The following UBE3C variants were observed in gnomAD, a reference collection of about 807,000 sequenced individuals.
The protein encoded by UBE3C is ubiquitin protein ligase E3C.
In UBE3C, 42 loss-of-function variants were observed where a neutral mutation model predicts 129.4. The observed-to-expected ratio is 0.32, with a 90% confidence interval of 0.25 to 0.42. The LOEUF (loss-of-function observed/expected upper bound fraction) is 0.42. UBE3C is among the 10% of genes least tolerant of loss of function. UBE3C has a pLI of 1.00. For synonymous variants in UBE3C, 510 were observed against 492.4 expected (o/e 1.04, Z -0.47); for missense variants, 1,049 against 1,319.1 (o/e 0.80, Z 3.17).
At chr7:157,242,954 C>A (rs1796381721) in intron 18 of UBE3C, among the ~76,000 whole-genome samples, 1 of 151,930 alleles carries the variant, frequency 6.6e-6, no homozygotes, top group African/African-American at 2.4e-5. Context: ...ACTTGGGAGG[C>A]TGAGGTAGGA....
intron 1 of UBE3C, 97 bp downstream of exon 1, chr7:157,139,435 C>A (rs1807365135): frequency 8.4e-7 from 1 of 1,192,166 alleles, no homozygotes; most frequent in Non-Finnish European, 1.1e-6. Context: ...GGACTCGGGG[C>A]CGAGACTTGG....
At chr7:157,180,169 T>C (rs1186209984) in intron 6 of UBE3C, among the ~76,000 whole-genome samples, 2 of 152,234 alleles carry the variant, frequency 1.3e-5, no homozygotes, top group Admixed American at 6.5e-5. Context: ...TAACAGTCGA[T>C]AAAATTTTAG....
intron 18 of UBE3C, among the ~76,000 whole-genome samples, chr7:157,233,024 A>ATTT (rs1796062397): frequency 1.3e-5 from 2 of 152,084 alleles, no homozygotes; most frequent in Admixed American, 1.3e-4. Context: ...CAAAAAGGAA[A>ATTT]CGCTAGGTAG....
chr7:157,254,350 C>T (rs1230252808), intron 21 of UBE3C, 40 bp downstream of exon 21: 3 of 1,254,476 alleles, frequency 2.4e-6, no homozygotes, highest in South Asian at 4.7e-5. Context: ...GAAAATGTTG[C>T]AGGTGGTCAT....
intron 17 of UBE3C, among the ~76,000 whole-genome samples, chr7:157,230,460 G>A (rs562094314): frequency 4.7e-4 from 72 of 151,584 alleles, no homozygotes; most frequent in African/African-American, 1.7e-3. Flanking sequence ...ACTTTGGGAA[G>A]CCAAGGCGGG....
Position 157,186,817 on chromosome 7 carries a change from G to A in UBE3C, c.1144-17G>A, listed in dbSNP as rs760059768. 3 of 1,612,856 alleles carry A rather than the reference G, an allele frequency of 1.9e-6. No homozygotes were observed. In the Admixed American group the frequency reaches 5.0e-5, roughly 27 times the overall value. On this transcript the variant is annotated splice_polypyrimidine_tract_variant and intron_variant, in intron 9 of 22. Transcript: ENST00000348165. ...TTGAGCACATTTATGGAGACTGGTT[G>A]TTCTGGTATGTTCTAGGAGGATGGC...
chr7:157,247,649 G>A (rs1182386), intron 18 of UBE3C, among the ~76,000 whole-genome samples: 75,757 of 151,880 alleles, frequency 0.5, 21,990 homozygotes, highest in Non-Finnish European at 0.64. Context: ...CTGAGATCGC[G>A]CGGCTGCACT....
chr7:157,206,948 A>G (rs1809450966), intron 11 of UBE3C, among the ~76,000 whole-genome samples: 1 of 152,320 alleles, frequency 6.6e-6, no homozygotes, highest in African/African-American at 2.4e-5. Flanking sequence ...ATAGCTTTCA[A>G]CGTTACCAAA....
chr7:157,198,507 G>A (rs1809187156), intron 10 of UBE3C: 5 of 373,402 alleles, frequency 1.3e-5, no homozygotes, highest in South Asian at 2.7e-5. Context: ...GCCGCCCTCC[G>A]CCATCTTCCG....
At chr7:157,184,822 A>C (rs377042297) in intron 9 of UBE3C, among the ~76,000 whole-genome samples, 3 of 152,192 alleles carry the variant, frequency 2.0e-5, no homozygotes, top group South Asian at 4.1e-4. Flanking sequence ...TAAGAAAAGG[A>C]TCGATAAGTC....
intron 1 of UBE3C, among the ~76,000 whole-genome samples, chr7:157,161,916 A>T (rs1430463042): frequency 6.6e-6 from 1 of 151,898 alleles, no homozygotes; most frequent in Non-Finnish European, 1.5e-5. Context: ...TACTAAAAAT[A>T]CAAGTTAGCC....
chr7:157,225,419 T>G lies in UBE3C; in HGVS notation c.2113T>G (p.Leu705Val), dbSNP rs185398582. ...CCTTGTTTGTTAGATCTTTCAGAGGTTGATTTATGCAGATAAGCAAGAAGT... is the reference window on the plus strand; with the variant it reads ...CCTTGTTTGTTAGATCTTTCAGAGGGTGATTTATGCAGATAAGCAAGAAGT... The part of the protein sequence containing the change: ...FEERVKIFQR[L>V]IYADKQEVQG... Residue 705 changes from leucine (L) to valine (V), a missense_variant, in exon 17 of 23, where the codon TTG (leucine) becomes GTG (valine). Physicochemically the swap from Leu to Val is conservative, Grantham distance 32 (BLOSUM62 1). Coordinates refer to ENST00000348165, the MANE Select transcript of UBE3C (RefSeq NM_014671.3). The G allele has an allele frequency of 6.2e-7, 1 of 1,603,630 alleles. No individual in the cohort carries two copies. The highest frequency in any genetic ancestry group is 8.5e-7 in the Non-Finnish European group (1 of 1,177,638).
intron 14 of UBE3C, among the ~76,000 whole-genome samples, chr7:157,219,161 G>A (rs1795666344): frequency 6.6e-6 from 1 of 152,192 alleles, no homozygotes; most frequent in Non-Finnish European, 1.5e-5. Flanking sequence ...CTGCTGGTCT[G>A]AGATGGTGTG....
intron 1 of UBE3C, among the ~76,000 whole-genome samples, chr7:157,143,122 C>T (rs910076608): frequency 1.3e-5 from 2 of 152,136 alleles, no homozygotes; most frequent in Non-Finnish European, 1.5e-5. Context: ...CTGCCTCAGC[C>T]TCCCAAAGTG....
intron 11 of UBE3C, among the ~76,000 whole-genome samples, chr7:157,205,013 A>G (rs1809394288): frequency 6.6e-6 from 1 of 152,266 alleles, no homozygotes. Context: ...ACTGATGGTC[A>G]GTAATTCACC....
intron 22 of UBE3C, among the ~76,000 whole-genome samples, chr7:157,260,428 C>G (rs957028583): frequency 6.6e-6 from 1 of 152,082 alleles, no homozygotes; most frequent in Non-Finnish European, 1.5e-5. Context: ...GAAGCATGAC[C>G]CATGTGACCA....
intron 17 of UBE3C, 48 bp downstream of exon 17, chr7:157,225,587 A>G (rs780471218): frequency 6.7e-7 from 1 of 1,503,374 alleles, no homozygotes; most frequent in South Asian, 1.4e-5. Context: ...GAGGCTAGGG[A>G]ATTGTTTTAG....
At chr7:157,156,300 C>CTTTTTTTTTTTT (rs1173730075) in intron 1 of UBE3C, among the ~76,000 whole-genome samples, 5 of 85,886 alleles carry the variant, frequency 5.8e-5, no homozygotes, top group East Asian at 3.4e-4. Flanking sequence ...ACCCCCAGTT[C>CTTTTTTTTTTTT]TTTTTTTTTT....
chr7:157,154,484 G>A (rs1205673344), intron 1 of UBE3C, among the ~76,000 whole-genome samples: 1 of 152,000 alleles, frequency 6.6e-6, no homozygotes, highest in Non-Finnish European at 1.5e-5. Context: ...AGATCATATT[G>A]CTTTTTCACC....
Sources: allele counts gnomAD v4.1 joint callset (sites outside exome capture counted in the v4.1 genomes callset), GRCh38; gene constraint gnomAD v4.1.1; transcripts MANE v1.5; gene names NCBI Gene and HGNC (gene_info 2026-07-23, HGNC 2026-07-21).